The following TMEM135 variants were observed in gnomAD, a reference collection of about 807,000 sequenced individuals.
TMEM135 encodes the protein transmembrane protein 135.
Under a neutral mutation model 60.3 loss-of-function variants are expected in TMEM135, and 30 were observed. The ratio of observed to expected loss-of-function variants is 0.50; its 90% CI spans 0.37 to 0.68. TMEM135 has a LOEUF of 0.68. Among genes scored for constraint, TMEM135 ranks in the 30% least tolerant of loss-of-function variants. The probability of loss-of-function intolerance (pLI) is 0.00; values close to 1 mark genes in which losing one functional copy is unlikely to be tolerated. For missense variants in TMEM135, 468 were observed against 548.8 expected (o/e 0.85, Z 1.47); for synonymous variants, 190 against 186.7 (o/e 1.02, Z -0.14).
chr11:87,130,837 T>G (rs1591042719), intron 4 of TMEM135, among the ~76,000 whole-genome samples: 1 of 152,240 alleles, frequency 6.6e-6, no homozygotes, highest in East Asian at 1.9e-4. Flanking sequence ...ATTCAAATTA[T>G]TGGAGTGATC....
At chr11:87,258,159 TTTTAC>T (rs1398128458) in intron 6 of TMEM135, among the ~76,000 whole-genome samples, 6 of 150,344 alleles carry the variant, frequency 4.0e-5, no homozygotes, top group Non-Finnish European at 7.4e-5. Context: ...ACAATAATTA[TTTTAC>T]TGTATTCTGT....
At chr11:87,104,619 A>G (rs1857547245) in intron 4 of TMEM135, among the ~76,000 whole-genome samples, 2 of 152,078 alleles carry the variant, frequency 1.3e-5, no homozygotes, top group African/African-American at 2.4e-5. Flanking sequence ...TGTTTTTAGT[A>G]TGTGGATCTT....
intron 4 of TMEM135, chr11:87,121,527 T>G (rs1937590683): frequency 6.6e-6 from 1 of 152,060 alleles, no homozygotes; most frequent in African/African-American, 2.4e-5. Context: ...TGAAAGGTAT[T>G]ATATACAGAG....
chr11:87,312,171 C>CTT (rs796912260), intron 10 of TMEM135, among the ~76,000 whole-genome samples: 6 of 138,972 alleles, frequency 4.3e-5, no homozygotes, highest in South Asian at 2.2e-4. Context: ...TTTTCTTCCT[C>CTT]TTTTTTTTTT....
At position 87,195,629 on chromosome 11, in the gene TMEM135, C is replaced by T. The variant is rs559350354; in HGVS notation, c.462+38223C>T. ...TTCTCCATGTTGGTCAGGCTGTTCT[C>T]GAACTCCCAACCTCAGGCAATCTGC... On this transcript the variant is annotated intron_variant, in intron 5 of 14. Transcript: ENST00000305494. 2.6e-5 allele frequency among the ~76,000 whole-genome samples: 4 copies of T among 152,128 alleles called. No homozygotes were observed. In the East Asian group the frequency reaches 7.7e-4, roughly 29 times the overall value.
rs182149934 is a variant in TMEM135 at position 87,247,685 on chromosome 11, C to T, written c.509+11001C>T. ...AGGTGTGGGATATAATCTCCTGGTGCGCCGTTTTTTAAGCCTGTCGGAAAA... is the reference window on the plus strand; with the variant it reads ...AGGTGTGGGATATAATCTCCTGGTGTGCCGTTTTTTAAGCCTGTCGGAAAA... On this transcript the variant is annotated intron_variant, in intron 6 of 14. Coordinates refer to ENST00000305494, the MANE Select transcript of TMEM135 (RefSeq NM_022918.4). Among the ~76,000 whole-genome samples, 426 of 152,264 alleles carry T rather than the reference C, an allele frequency of 2.8e-3. 7 individuals are homozygous for T. Among genetic ancestry groups the T allele is most frequent in the East Asian group, 0.011 (57 of 5,166 alleles).
At chr11:87,267,178 C>A (rs191167406) in intron 6 of TMEM135, among the ~76,000 whole-genome samples, 1 of 152,184 alleles carries the variant, frequency 6.6e-6, no homozygotes, top group African/African-American at 2.4e-5. Flanking sequence ...GTTATACATT[C>A]ATATAAAATG....
In TMEM135 at chr11:87,322,065, A is replaced by T. The variant is rs115427812; in HGVS notation, c.*732A>T. ...GGGCAAATGGAAATGGACACATCCGATAAAGTTGAAATGTATGTTTTAATC... is the reference window on the plus strand; with the variant it reads ...GGGCAAATGGAAATGGACACATCCGTTAAAGTTGAAATGTATGTTTTAATC... On this transcript the variant is annotated 3_prime_UTR_variant, in exon 15 of 15. Coordinates refer to ENST00000305494, the MANE Select transcript of TMEM135 (RefSeq NM_022918.4). 2.7e-3 allele frequency: 1,246 copies of T among 454,466 alleles called. 19 individuals carry two copies. Among genetic ancestry groups the T allele is most frequent in the African/African-American group, 0.022 (1,093 of 50,128 alleles). 28.2% of individuals were successfully genotyped at this position (454,466 alleles called of 1,614,324 possible).
chr11:87,146,755 A>G (rs1836447558), intron 4 of TMEM135, among the ~76,000 whole-genome samples: 1 of 152,130 alleles, frequency 6.6e-6, no homozygotes, highest in African/African-American at 2.4e-5. Context: ...GTATATTAAT[A>G]CCTGCATTGA....
chr11:87,270,820 T>C (rs1225587712), intron 6 of TMEM135, among the ~76,000 whole-genome samples: 2 of 152,182 alleles, frequency 1.3e-5, no homozygotes, highest in Non-Finnish European at 2.9e-5. Flanking sequence ...ATAGGACTTA[T>C]CAAACTTTTC....
chr11:87,174,695 T>G (rs1939325131), intron 5 of TMEM135, among the ~76,000 whole-genome samples: 1 of 152,164 alleles, frequency 6.6e-6, no homozygotes, highest in South Asian at 2.1e-4. Context: ...ATGTCATCGA[T>G]AGCTCCTTGG....
intron 7 of TMEM135, 24 bp from the exon 8 acceptor site, chr11:87,302,272 C>A: frequency 6.2e-7 from 1 of 1,610,786 alleles, no homozygotes; most frequent in South Asian, 1.1e-5. Flanking sequence ...TGAAAAATGC[C>A]TCACATTGTG....
intron 8 of TMEM135, among the ~76,000 whole-genome samples, chr11:87,305,629 C>T (rs1942525693): frequency 6.6e-6 from 1 of 152,054 alleles, no homozygotes; most frequent in South Asian, 2.1e-4. Context: ...CAAAAATTAG[C>T]TGGGCGTGGT....
At chr11:87,316,281 T>TGA (rs201255812) in intron 12 of TMEM135, among the ~76,000 whole-genome samples, 3,237 of 151,032 alleles carry the variant, frequency 0.021, 61 homozygotes, top group East Asian at 0.06. Context: ...TGTGTGTGTG[T>TGA]GTGTGAGAGA....
chr11:87,162,755 C>G (rs1938918872), intron 5 of TMEM135, among the ~76,000 whole-genome samples: 1 of 152,152 alleles, frequency 6.6e-6, no homozygotes, highest in Non-Finnish European at 1.5e-5. Flanking sequence ...ATTGCTGGGT[C>G]AAATGGTATT....
intron 4 of TMEM135, among the ~76,000 whole-genome samples, chr11:87,111,666 A>AAG (rs1555105256): frequency 3.8e-5 from 5 of 130,952 alleles, no homozygotes; most frequent in Non-Finnish European, 3.2e-5. Context: ...AAAAAAAAAA[A>AAG]AAAAAGAAAA....
intron 4 of TMEM135, among the ~76,000 whole-genome samples, chr11:87,129,870 C>T (rs1937867806): frequency 1.3e-5 from 2 of 151,948 alleles, no homozygotes; most frequent in African/African-American, 4.8e-5. Flanking sequence ...GTCATAAATA[C>T]TATACAACTG....
chr11:87,318,452 C>G (rs1362726408), intron 13 of TMEM135, among the ~76,000 whole-genome samples: 2 of 150,418 alleles, frequency 1.3e-5, no homozygotes, highest in East Asian at 3.9e-4. Flanking sequence ...TATGAGTACA[C>G]CAATTTTTAG....
At chr11:87,095,465 G>A in intron 4 of TMEM135, 1 of 201,358 alleles carries the variant, frequency 5.0e-6, no homozygotes, top group East Asian at 1.2e-4. Flanking sequence ...GCCAGTTCTG[G>A]AATGACTATA....
Sources: allele counts gnomAD v4.1 joint callset (sites outside exome capture counted in the v4.1 genomes callset), GRCh38; gene constraint gnomAD v4.1.1; transcripts MANE v1.5; gene names NCBI Gene and HGNC (gene_info 2026-07-23, HGNC 2026-07-21).